CNTNAP1: variants seen among roughly 807,000 people sequenced by gnomAD.
CNTNAP1 encodes contactin associated protein 1, also known as contactin-associated protein 1.
Under a neutral mutation model 161.5 loss-of-function variants are expected in CNTNAP1, and 80 were observed. That is an observed-to-expected ratio of 0.50 (90% CI 0.41 to 0.60). The LOEUF is 0.60. Among genes scored for constraint, CNTNAP1 ranks in the 20% least tolerant of loss-of-function variants. The probability of loss-of-function intolerance (pLI) is 0.00; values close to 1 mark genes in which losing one functional copy is unlikely to be tolerated. For missense variants in CNTNAP1, 1,464 were observed against 1,854.8 expected, an observed-to-expected ratio of 0.79 and a Z score of 3.87; for synonymous variants, 695 against 733.1, an observed-to-expected ratio of 0.95 and a Z score of 0.84.
chr17:42,687,079 T>C lies in CNTNAP1; in HGVS notation c.1044+33T>C. 1 of 1,594,506 alleles carries C rather than the reference T, an allele frequency of 6.3e-7. No individual in the cohort carries two copies. The highest frequency in any genetic ancestry group is 8.6e-7 in the Non-Finnish European group (1 of 1,165,618). On this transcript the variant is annotated intron_variant, in intron 7 of 23. Coordinates refer to ENST00000264638, the MANE Select transcript of CNTNAP1 (RefSeq NM_003632.3). This position sits in a 1 kb window ranked among gnomAD's most constrained non-coding sequence, Gnocchi z 4.7. ...GGCAGGGGGGTCTGGGAGGACAGGATATCAAAGCGTCGTGGAAAGCAAAGA... is the reference window on the plus strand; with the variant it reads ...GGCAGGGGGGTCTGGGAGGACAGGACATCAAAGCGTCGTGGAAAGCAAAGA...
chr17:42,682,867 C>G lies in CNTNAP1; in HGVS notation c.38C>G (p.Ala13Gly). The G allele has an allele frequency of 1.2e-6, 2 of 1,600,202 alleles. No individual in the cohort carries two copies. The highest frequency in any genetic ancestry group is 2.3e-5 in the East Asian group (1 of 44,226). The change falls in exon 1 of 24, where the codon GCG (alanine) becomes GGG (glycine). Residue 13 changes from alanine to glycine, a missense_variant. Around this residue, in one of 3 missense-constraint regions of CNTNAP1, gnomAD observed 77 missense variants for 73.6 expected, o/e 1.05. Transcript: ENST00000264638. ...CGGCTCTTCTGCATCCTGCTCGCCG[C>G]GGTCTCAGGAGCCGAGGGCTGGGGC... ...HLRLFCILLAAVSGAEGWGYY... is the reference protein window; with the variant it reads ...HLRLFCILLAGVSGAEGWGYY...
chr17:42,686,712 G>T (rs573832963), intron 6 of CNTNAP1, among the ~76,000 whole-genome samples, 191 bp from the exon 7 acceptor site: 5 of 152,232 alleles, frequency 3.3e-5, no homozygotes, highest in Admixed American at 2.0e-4. Context: ...CAGCCGATTT[G>T]TGTTGGAGTC....
In CNTNAP1 at chr17:42,687,129, C is replaced by T. The variant is rs1260061411; in HGVS notation, c.1044+83C>T. ...AGGTGGAGCGGGAAGAGATATTGAACATCAGATAAAAGCGGAGAATCCCTC... is the reference window on the plus strand; with the variant it reads ...AGGTGGAGCGGGAAGAGATATTGAATATCAGATAAAAGCGGAGAATCCCTC... On this transcript the variant is annotated intron_variant, in intron 7 of 23. Coordinates refer to ENST00000264638, the MANE Select transcript of CNTNAP1 (RefSeq NM_003632.3). This position sits in a 1 kb window ranked among gnomAD's most constrained non-coding sequence, Gnocchi z 4.7. 4 of 1,537,742 alleles carry T rather than the reference C, an allele frequency of 2.6e-6. No individual in the cohort carries two copies. The highest frequency in any genetic ancestry group is 3.5e-6 in the Non-Finnish European group (4 of 1,130,684).
In CNTNAP1 at chr17:42,685,041, C is replaced by G. The variant is rs760963094; in HGVS notation, c.414C>G (p.His138Gln). Reference sequence around the variant, plus strand: ...CGGCGGTGGTGCGCCATGACCTGCACTTCCACTTCACTGCGCGCTACATCC... The same window carrying G: ...CGGCGGTGGTGCGCCATGACCTGCAGTTCCACTTCACTGCGCGCTACATCC... ...NESAVVRHDL[H>Q]FHFTARYIRI... Residue 138 changes from histidine to glutamine, a missense_variant, in exon 4 of 24, where the codon CAC (histidine) becomes CAG (glutamine). This residue lies in a region of CNTNAP1 where 1,383 missense variants were observed against 1,765.0 expected (regional missense o/e 0.78). Transcript: ENST00000264638. The surrounding 1 kb of genome is among the most constrained non-coding windows in gnomAD (Gnocchi z 5.0). 6.3e-7 allele frequency: 1 copy of G among 1,592,192 alleles called. No individual in the cohort carries two copies. The highest frequency in any genetic ancestry group is 1.2e-5 in the South Asian group (1 of 86,872).
chr17:42,691,683 T>A lies in CNTNAP1; in HGVS notation c.2345-123T>A. On this transcript the variant is annotated intron_variant, in intron 15 of 23. Transcript: ENST00000264638. This position sits in a 1 kb window ranked among gnomAD's most constrained non-coding sequence, Gnocchi z 4.3. ...GCTCCTCTTTCATTCCACTCCTTAG[T>A]CTCCCCTCCGTCACCTCAAACCCTC... 2.2e-6 allele frequency: 3 copies of A among 1,341,946 alleles called. No homozygotes were observed. Among genetic ancestry groups the A allele is most frequent in the Non-Finnish European group, 3.1e-6 (3 of 955,820 alleles). The allele number at this position is 1,341,946 out of a possible 1,614,324, so 83.1% of individuals were successfully genotyped here.
intron 12 of CNTNAP1, 132 bp from the exon 13 acceptor site, chr17:42,690,607 G>C (rs2053072359): frequency 2.4e-6 from 2 of 820,654 alleles, no homozygotes; most frequent in Admixed American, 2.0e-5. Flanking sequence ...AGAGTGCCCA[G>C]GGCAGAGGTG....
Position 42,691,140 on chromosome 17 carries a change from G to A in CNTNAP1, c.2063G>A (p.Gly688Asp), listed in dbSNP as rs942124398. 4 of 1,613,760 alleles carry A rather than the reference G, an allele frequency of 2.5e-6. No homozygotes were observed. Among genetic ancestry groups the A allele is most frequent in the South Asian group, 2.2e-5 (2 of 91,068 alleles). Residue 688 changes from glycine (G) to aspartate (D), a missense_variant, in exon 14 of 24, where the codon GGC becomes GAC. By Grantham distance (94) the Gly-to-Asp change is moderately conservative. Transcript: ENST00000264638. The surrounding 1 kb of genome is among the most constrained non-coding windows in gnomAD (Gnocchi z 4.3). ...GCTGCCTGCACCTCTTCCCCAGGAG[G>A]CTACCCCTACAGCTTTTGGATTGGC... Reference protein sequence around the residue: ...YNSRLLNTAGGYPYSFWIGRN... With the variant: ...YNSRLLNTAGDYPYSFWIGRN...
intron 17 of CNTNAP1, 56 bp from the exon 18 acceptor site, chr17:42,693,241 G>C: frequency 2.5e-6 from 4 of 1,604,058 alleles, no homozygotes; most frequent in Non-Finnish European, 3.4e-6. Context: ...TTACAGGCGT[G>C]AGCCACCGCG....
At chr17:42,692,452 T>TG in intron 16 of CNTNAP1, 47 bp from the exon 17 acceptor site, 1 of 1,510,592 alleles carries the variant, frequency 6.6e-7, no homozygotes, top group Non-Finnish European at 9.1e-7. Context: ...TGAAGGGTCT[T>TG]GTAGGTCTGA....
intron 18 of CNTNAP1, among the ~76,000 whole-genome samples, chr17:42,694,875 G>A (rs1459781962): frequency 6.6e-6 from 1 of 152,156 alleles, no homozygotes; most frequent in East Asian, 1.9e-4. Context: ...GGTGGGAGGA[G>A]TGTGGGGGAC....
At chr17:42,688,670 T>A in intron 9 of CNTNAP1, 59 bp downstream of exon 9, 1 of 1,608,844 alleles carries the variant, frequency 6.2e-7, no homozygotes, top group African/African-American at 1.3e-5. Context: ...TCCATCTAAG[T>A]CCACCCAGAT....
chr17:42,690,103 C>T lies in CNTNAP1; in HGVS notation c.1751C>T (p.Ser584Phe). 2 of 1,613,296 alleles carry T rather than the reference C, an allele frequency of 1.2e-6. No homozygotes were observed. Among genetic ancestry groups the T allele is most frequent in the Non-Finnish European group, 1.7e-6 (2 of 1,179,474 alleles). The change falls in exon 12 of 24, where the codon TCC (serine) becomes TTC (phenylalanine). Residue 584 changes from serine (S) to phenylalanine (F), a missense_variant. Ser to Phe is a radical substitution (Grantham distance 155). Around this residue, in one of 3 missense-constraint regions of CNTNAP1, gnomAD observed 1,383 missense variants for 1,765.0 expected, o/e 0.78. Transcript: ENST00000264638. ...TATCTGCCAGCTTTGTATAAGGAAT[C>T]CTGTGAGGCTTATCGGCTCAGTGGG... Reference protein sequence around the residue: ...ETCHTPLYKESCEAYRLSGKT... With the variant: ...ETCHTPLYKEFCEAYRLSGKT...
chr17:42,688,497 A>G lies in CNTNAP1; in HGVS notation c.1342A>G (p.Asn448Asp). ...RLNDGFWHEV[N>D]FVAQENHAVI... ...GAATGACGGCTTTTGGCACGAGGTG[A>G]ATTTTGTGGCACAGGAAAACCATGC... Residue 448 changes from asparagine (N) to aspartate (D), a missense_variant, in exon 9 of 24, where the codon AAT becomes GAT. Asn to Asp is a conservative substitution (Grantham distance 23, BLOSUM62 1). Transcript: ENST00000264638. The G allele has an allele frequency of 6.2e-7, 1 of 1,614,154 alleles. No homozygotes were observed. Among genetic ancestry groups the G allele is most frequent in the Non-Finnish European group, 8.5e-7 (1 of 1,180,028 alleles).
At chr17:42,693,647 T>C (rs2053120031) in intron 18 of CNTNAP1, 111 bp downstream of exon 18, 2 of 1,466,552 alleles carry the variant, frequency 1.4e-6, no homozygotes, top group Admixed American at 1.9e-5. Flanking sequence ...ATTAGAGTTG[T>C]CCCTGGATTC....
intron 18 of CNTNAP1, 138 bp from the exon 19 acceptor site, chr17:42,695,383 G>C: frequency 1.4e-6 from 1 of 689,876 alleles, no homozygotes; most frequent in East Asian, 2.6e-5. Context: ...GGGCTCAAGG[G>C]GACCTAAAAG....
Position 42,685,540 on chromosome 17 carries a change from G to A in CNTNAP1, c.715+120G>A. ...TGGTCTTCCACTTCTCTAAGGCCTG[G>A]ACCAAACTGCCCCTTTCTTGTAGCA... On this transcript the variant is annotated intron_variant, in intron 5 of 23. Coordinates refer to ENST00000264638, the MANE Select transcript of CNTNAP1 (RefSeq NM_003632.3). This position sits in a 1 kb window ranked among gnomAD's most constrained non-coding sequence, Gnocchi z 5.0. The A allele has an allele frequency of 2.2e-6, 2 of 929,340 alleles. No homozygotes were observed. The highest frequency in any genetic ancestry group is 3.2e-6 in the Non-Finnish European group (2 of 625,500). 57.6% of individuals were successfully genotyped at this position (929,340 alleles called of 1,614,324 possible).
intron 6 of CNTNAP1, among the ~76,000 whole-genome samples, chr17:42,686,676 G>A (rs1281337655): frequency 6.6e-6 from 1 of 152,194 alleles, no homozygotes; most frequent in Non-Finnish European, 1.5e-5. Flanking sequence ...ATCCCAGGCA[G>A]GCTAATTGAC....
intron 18 of CNTNAP1, among the ~76,000 whole-genome samples, chr17:42,694,240 C>T (rs373359167): frequency 2.0e-5 from 3 of 151,592 alleles, no homozygotes; most frequent in African/African-American, 4.9e-5. Flanking sequence ...GACTCGATCT[C>T]GGCTCACTGC....
intron 3 of CNTNAP1, among the ~76,000 whole-genome samples, 196 bp from the exon 4 acceptor site, chr17:42,684,795 G>A (rs897708006): frequency 6.6e-6 from 1 of 151,856 alleles, no homozygotes; most frequent in African/African-American, 2.4e-5. Context: ...GCGTAGTGGC[G>A]GGCGCCTGTA....
Sources: gnomAD v4.1 joint callset for allele counts (sites outside exome capture counted in the v4.1 genomes callset) on GRCh38, gnomAD v4.1.1 for gene constraint, gnomAD v4.1.1 regional missense constraint, Gnocchi (gnomAD v3.1) non-coding constraint, MANE v1.5 for transcripts, NCBI Gene and HGNC (gene_info 2026-07-23, HGNC 2026-07-21) for gene names.